USP35: variants seen among roughly 807,000 people sequenced by gnomAD.
The protein encoded by USP35 is ubiquitin carboxyl-terminal hydrolase 35.
A neutral mutation model predicts 83.8 loss-of-function variants in USP35; 69 were observed. That is an observed-to-expected ratio of 0.82 (90% CI 0.68 to 1.01). The LOEUF is 1.01. USP35 is among the 50% of genes least tolerant of loss of function. USP35 has a pLI of 0.00. For synonymous variants in USP35, 714 were observed against 589.5 expected (o/e 1.21, Z -3.06); for missense variants, 1,503 against 1,362.5 (o/e 1.10, Z -1.62).
At chr11:78,191,171 A>G (rs1295870248) in intron 1 of USP35, among the ~76,000 whole-genome samples, 1 of 80,452 alleles carries the variant, frequency 1.2e-5, no homozygotes, top group Non-Finnish European at 3.2e-5. Flanking sequence ...ACACATACAC[A>G]CACACACACA....
At chr11:78,198,367 G>T (rs1863221133) in intron 3 of USP35, among the ~76,000 whole-genome samples, 1 of 151,142 alleles carries the variant, frequency 6.6e-6, no homozygotes, top group East Asian at 1.9e-4. Context: ...GCAGAGGTGG[G>T]TGGTGTCAGG....
chr11:78,219,158 G>C, downstream of USP35: 1 of 1,013,320 alleles, frequency 9.9e-7, no homozygotes, highest in South Asian at 1.5e-5. Context: ...TGAAGGCTGA[G>C]ACTGGCAGAG....
chr11:78,234,199 C>T, the USP35 span, among the ~76,000 whole-genome samples: 1 of 152,198 alleles, frequency 6.6e-6, no homozygotes, highest in Non-Finnish European at 1.5e-5. Flanking sequence ...CCTCCCACCA[C>T]AGCCTGCTGA....
the USP35 span, among the ~76,000 whole-genome samples, chr11:78,231,590 T>C: frequency 1.3e-5 from 2 of 152,166 alleles, no homozygotes; most frequent in Non-Finnish European, 2.9e-5. Flanking sequence ...CCTCGTGGTC[T>C]GCCCGCCTCA....
At chr11:78,219,196 CGGGAGAG>C (rs368153717), downstream of USP35, 1,006 of 1,371,416 alleles carry the variant, frequency 7.3e-4, 4 homozygotes, top group African/African-American at 0.011. Flanking sequence ...GGAGGAAGAA[CGGGAGAG>C]GGGAGAGGGG....
At chr11:78,213,473 G>A (rs542635457) in intron 10 of USP35, among the ~76,000 whole-genome samples, 173 bp from the exon 11 acceptor site, 124 of 134,390 alleles carry the variant, frequency 9.2e-4, no homozygotes, top group African/African-American at 4.9e-3. Context: ...GGGGTCTTTT[G>A]AAGTCTTTTG....
At chr11:78,209,378 C>A in intron 9 of USP35, 70 bp from the exon 10 acceptor site, 1 of 1,453,920 alleles carries the variant, frequency 6.9e-7, no homozygotes, top group Non-Finnish European at 9.2e-7. Flanking sequence ...GGTAAATGGG[C>A]ATGGATAAGC....
At position 78,210,555 on chromosome 11, in the gene USP35, C is replaced by T; in HGVS notation, c.2700C>T (p.Phe900=). 6.2e-7 allele frequency: 1 copy of T among 1,613,054 alleles called. No homozygotes were observed. The highest frequency in any genetic ancestry group is 8.5e-7 in the Non-Finnish European group (1 of 1,179,072). Residue 900 remains phenylalanine, a synonymous_variant, in exon 10 of 11, where the codon TTC becomes TTT. Coordinates refer to ENST00000529308, the MANE Select transcript of USP35 (RefSeq NM_020798.4). ...WYLFNDTRVS[F]SSFESVSNVT... Reference sequence around the variant, plus strand: ...TGTTCAATGACACTCGGGTGTCCTTCTCTTCCTTCGAATCTGTCAGCAACG... The same window carrying T: ...TGTTCAATGACACTCGGGTGTCCTTTTCTTCCTTCGAATCTGTCAGCAACG...
the USP35 span, among the ~76,000 whole-genome samples, chr11:78,225,610 G>A: frequency 1.3e-5 from 2 of 152,350 alleles, no homozygotes; most frequent in African/African-American, 4.8e-5. Context: ...TTTTATGTAT[G>A]TCTTTATCAT....
chr11:78,197,843 C>T, intron 2 of USP35, 93 bp from the exon 3 acceptor site: 1 of 1,498,176 alleles, frequency 6.7e-7, no homozygotes, highest in Non-Finnish European at 8.9e-7. Context: ...CCTAGAGGCC[C>T]AGCCCGGTTC....
At chr11:78,233,867 T>C in the USP35 span, among the ~76,000 whole-genome samples, 2 of 152,208 alleles carry the variant, frequency 1.3e-5, no homozygotes, top group African/African-American at 4.8e-5. Context: ...GCCTGCTGCC[T>C]CCCAAAGTGC....
At chr11:78,233,707 A>C in the USP35 span, among the ~76,000 whole-genome samples, 1 of 152,240 alleles carries the variant, frequency 6.6e-6, no homozygotes, top group East Asian at 1.9e-4. Context: ...CCTGGGTTCA[A>C]GCGATTCTCC....
At chr11:78,216,096 C>T (rs540698202), downstream of USP35, 2 of 152,842 alleles carry the variant, frequency 1.3e-5, no homozygotes, top group Admixed American at 1.3e-4. Flanking sequence ...GTCTCCCCTT[C>T]AAGCAGCTGA....
At chr11:78,219,227 C>G (rs1864295726), downstream of USP35, 6 of 1,589,388 alleles carry the variant, frequency 3.8e-6, no homozygotes, top group Non-Finnish European at 5.2e-6. Context: ...TGGGAAGGGC[C>G]AGCTCTGGAG....
chr11:78,202,859 T>G (rs751966507), intron 6 of USP35, among the ~76,000 whole-genome samples: 9 of 152,176 alleles, frequency 5.9e-5, no homozygotes, highest in Non-Finnish European at 8.8e-5. Flanking sequence ...TCTGTCTGTT[T>G]CCTGCTAGAC....
At chr11:78,199,770 G>A (rs1863280894) in intron 4 of USP35, 46 bp downstream of exon 4, 1 of 1,613,390 alleles carries the variant, frequency 6.2e-7, no homozygotes, top group African/African-American at 1.3e-5. Context: ...TTTGTACTAG[G>A]CTCTTGCCAG....
chr11:78,221,853 C>A, the USP35 span: 3 of 1,050,398 alleles, frequency 2.9e-6, no homozygotes, highest in East Asian at 7.2e-5. Flanking sequence ...CCAGCTGGGC[C>A]CTGACCCTCA....
At chr11:78,234,294 G>A in the USP35 span, among the ~76,000 whole-genome samples, 1 of 152,054 alleles carries the variant, frequency 6.6e-6, no homozygotes, top group Admixed American at 6.5e-5. Flanking sequence ...TGTTATCCAG[G>A]CTGGTTTTCA....
In USP35 at chr11:78,196,945, C is replaced by T; in HGVS notation, c.673+27C>T. On this transcript the variant is annotated intron_variant, in intron 2 of 10. Coordinates refer to ENST00000529308, the MANE Select transcript of USP35 (RefSeq NM_020798.4). This position sits in a 1 kb window ranked among gnomAD's most constrained non-coding sequence, Gnocchi z 4.8. ...TGCGTGTGCGGCCGGGGCAGGAGCG[C>T]GGGCATGCGGAGGTCCTGGGTGGGC... 1.4e-6 allele frequency: 2 copies of T among 1,428,462 alleles called. No individual in the cohort carries two copies. Among genetic ancestry groups the T allele is most frequent in the Non-Finnish European group, 1.8e-6 (2 of 1,095,016 alleles). 88.5% of individuals were successfully genotyped at this position (1,428,462 alleles called of 1,614,324 possible).
Sources: allele counts gnomAD v4.1 joint callset (sites outside exome capture counted in the v4.1 genomes callset), GRCh38; gene constraint gnomAD v4.1.1; non-coding constraint Gnocchi (gnomAD v3.1); transcripts MANE v1.5; gene names NCBI Gene and HGNC (gene_info 2026-07-23, HGNC 2026-07-21).